AUTS2: variants seen among roughly 807,000 people sequenced by gnomAD.
AUTS2 encodes autism susceptibility gene 2 protein.
AUTS2 carries 17 observed loss-of-function variants against 112.4 expected under a neutral mutation model. That is an observed-to-expected ratio of 0.15 (90% CI 0.10 to 0.23). The LOEUF (loss-of-function observed/expected upper bound fraction) is 0.23, where lower values mean the gene tolerates loss of function less well. Among genes scored for constraint, AUTS2 ranks in the 10% least tolerant of loss-of-function variants. The pLI is 1.00. For synonymous variants in AUTS2, 751 were observed against 702.7 expected (o/e 1.07, Z -1.09); for missense variants, 1,510 against 1,701.6 (o/e 0.89, Z 1.98).
chr7:70,395,610 C>T (rs944532748), intron 4 of AUTS2, among the ~76,000 whole-genome samples: 1 of 152,170 alleles, frequency 6.6e-6, no homozygotes, highest in Admixed American at 6.5e-5. Context: ...ATGATCTTTT[C>T]ACAAGTGATC....
chr7:70,535,323 A>G (rs1373739237), intron 5 of AUTS2, among the ~76,000 whole-genome samples: 3 of 152,174 alleles, frequency 2.0e-5, no homozygotes, highest in African/African-American at 4.8e-5. Flanking sequence ...CAAGACATAT[A>G]TAATATTAGA....
chr7:70,407,817 G>T (rs1426410389), intron 4 of AUTS2, among the ~76,000 whole-genome samples: 2 of 152,056 alleles, frequency 1.3e-5, no homozygotes, highest in African/African-American at 4.8e-5. Flanking sequence ...CACTTTGGGA[G>T]GCCAAGGCGG....
chr7:70,354,694 GT>G (rs1385406206), intron 4 of AUTS2, among the ~76,000 whole-genome samples: 1 of 152,152 alleles, frequency 6.6e-6, no homozygotes, highest in African/African-American at 2.4e-5. Context: ...TTGAAATGGG[GT>G]GAGTCCAAAT....
chr7:69,722,847 C>CTT (rs202247654), intron 1 of AUTS2, among the ~76,000 whole-genome samples: 1 of 144,832 alleles, frequency 6.9e-6, no homozygotes, highest in Non-Finnish European at 1.5e-5. Context: ...TCTGGAATTG[C>CTT]TTTTTTTTTT....
At chr7:70,737,632 CCA>C (rs1787849041) in intron 6 of AUTS2, among the ~76,000 whole-genome samples, 2 of 152,198 alleles carry the variant, frequency 1.3e-5, no homozygotes, top group Non-Finnish European at 2.9e-5. Context: ...AACTCACGGA[CCA>C]CAGTTACTAA....
intron 5 of AUTS2, among the ~76,000 whole-genome samples, chr7:70,479,033 C>G (rs1198876009): frequency 6.8e-6 from 1 of 146,354 alleles, no homozygotes; most frequent in African/African-American, 2.5e-5. Flanking sequence ...ACCCAGTCTA[C>G]TTTTTTTTTT....
At chr7:69,764,108 G>T (rs1788310857) in intron 1 of AUTS2, among the ~76,000 whole-genome samples, 1 of 152,204 alleles carries the variant, frequency 6.6e-6, no homozygotes, top group South Asian at 2.1e-4. Flanking sequence ...CTACTGGGTA[G>T]CCTGATAAGA....
At chr7:70,141,312 G>A (rs1386257764) in intron 4 of AUTS2, among the ~76,000 whole-genome samples, 1 of 152,128 alleles carries the variant, frequency 6.6e-6, no homozygotes, top group Non-Finnish European at 1.5e-5. Context: ...GAGATGGTTT[G>A]TAGAGAAGGA....
chr7:69,918,981 G>T (rs1360267265), intron 2 of AUTS2, among the ~76,000 whole-genome samples: 1 of 152,086 alleles, frequency 6.6e-6, no homozygotes, highest in Non-Finnish European at 1.5e-5. Flanking sequence ...TTTCTGAAAG[G>T]CTACTCTTGG....
At chr7:70,706,683 G>T (rs2129548406) in intron 6 of AUTS2, among the ~76,000 whole-genome samples, 1 of 152,118 alleles carries the variant, frequency 6.6e-6, no homozygotes, top group African/African-American at 2.4e-5. Flanking sequence ...CTGATAAGTT[G>T]TCAAGAAATT....
chr7:70,504,600 G>A (rs1207140741), intron 5 of AUTS2, among the ~76,000 whole-genome samples: 1 of 152,204 alleles, frequency 6.6e-6, no homozygotes, highest in Non-Finnish European at 1.5e-5. Context: ...TTGCGGGAAG[G>A]TTGGACAATA....
At chr7:69,865,471 A>G (rs1287522924) in intron 1 of AUTS2, among the ~76,000 whole-genome samples, 1 of 152,164 alleles carries the variant, frequency 6.6e-6, no homozygotes, top group Non-Finnish European at 1.5e-5. Context: ...CTGGTCATTG[A>G]TGTTGACAGG....
At chr7:69,876,523 T>G (rs1412241850) in intron 1 of AUTS2, among the ~76,000 whole-genome samples, 3 of 60,778 alleles carry the variant, frequency 4.9e-5, no homozygotes, top group Non-Finnish European at 8.5e-5. Flanking sequence ...TATATATATA[T>G]ATATATATAT....
chr7:69,972,873 CAA>C (rs1388835934), intron 2 of AUTS2, among the ~76,000 whole-genome samples: 3 of 152,050 alleles, frequency 2.0e-5, no homozygotes, highest in Non-Finnish European at 4.4e-5. Context: ...CTACCAAGAT[CAA>C]AAAGTCTTGA....
chr7:69,722,989 A>G (rs1207538363), intron 1 of AUTS2, among the ~76,000 whole-genome samples: 4 of 152,104 alleles, frequency 2.6e-5, no homozygotes. Context: ...GTCAAAACAC[A>G]TCCCATTTCA....
In AUTS2 at chr7:70,570,164, G is replaced by C. The variant is rs1274639858; in HGVS notation, c.691-128405G>C. On this transcript the variant is annotated intron_variant, in intron 5 of 18. Coordinates refer to ENST00000342771, the MANE Select transcript of AUTS2 (RefSeq NM_015570.4). The stretch of plus-strand genomic sequence containing the variant: ...TTGAGTGCTCTGGCCATGACAGTAG[G>C]TTAGGCAGGTCTGGCCTAGAAAGAG... Among the ~76,000 whole-genome samples the C allele has an allele frequency of 2.0e-5, 3 of 152,196 alleles. No individual in the cohort carries two copies. The East Asian group carries it at 5.8e-4, about 29-fold the overall frequency.
At chr7:69,878,293 G>C (rs1285471977) in intron 1 of AUTS2, among the ~76,000 whole-genome samples, 1 of 152,106 alleles carries the variant, frequency 6.6e-6, no homozygotes, top group Non-Finnish European at 1.5e-5. Context: ...GGGAGGGGAA[G>C]GACTGGCCAC....
chr7:69,885,130 C>A (rs1794217867), intron 1 of AUTS2, among the ~76,000 whole-genome samples: 1 of 152,274 alleles, frequency 6.6e-6, no homozygotes, highest in East Asian at 1.9e-4. Context: ...ATATATGTTT[C>A]TCATGTAGTG....
At chr7:70,603,325 C>A (rs1563069737) in intron 5 of AUTS2, among the ~76,000 whole-genome samples, 1 of 152,294 alleles carries the variant, frequency 6.6e-6, no homozygotes, top group African/African-American at 2.4e-5. Flanking sequence ...CCACACTCCT[C>A]CCAGTGTCAG....
Sources: gnomAD v4.1 joint callset for allele counts (sites outside exome capture counted in the v4.1 genomes callset) on GRCh38, gnomAD v4.1.1 for gene constraint, MANE v1.5 for transcripts, NCBI Gene and HGNC (gene_info 2026-07-23, HGNC 2026-07-21) for gene names.